Variants in CYYR1 observed in about 807,000 individuals in gnomAD.
CYYR1 encodes cysteine and tyrosine-rich protein 1.
In CYYR1, 14 loss-of-function variants were observed where a neutral mutation model predicts 15.2. The ratio of observed to expected loss-of-function variants is 0.92; its 90% CI spans 0.61 to 1.44. The LOEUF (loss-of-function observed/expected upper bound fraction) is 1.44, where lower values mean the gene tolerates loss of function less well. Ranked by LOEUF, CYYR1 falls within the 40% of genes most tolerant of loss-of-function variation. CYYR1 has a pLI of 0.00. For synonymous variants in CYYR1, 80 were observed against 77.4 expected, an observed-to-expected ratio of 1.03 and a Z score of -0.18; for missense variants, 228 against 209.5, an observed-to-expected ratio of 1.09 and a Z score of -0.54.
chr21:26,544,137 G>T (rs559821669), intron 2 of CYYR1, among the ~76,000 whole-genome samples: 1 of 152,046 alleles, frequency 6.6e-6, no homozygotes, highest in Non-Finnish European at 1.5e-5. Context: ...ATATTTTACC[G>T]TTCTGAAGAC....
chr21:26,550,478 C>A, intron 2 of CYYR1: 1 of 152,202 alleles, frequency 6.6e-6, no homozygotes. Flanking sequence ...AAGTTGAAAG[C>A]TGAGACAGCC....
chr21:26,530,638 G>A (rs2065919940), intron 2 of CYYR1, among the ~76,000 whole-genome samples: 1 of 151,908 alleles, frequency 6.6e-6, no homozygotes, highest in Non-Finnish European at 1.5e-5. Context: ...ACAGGCCCCG[G>A]TGTGTGATGT....
At position 26,468,635 on chromosome 21, in the gene CYYR1, C is replaced by A. The variant is rs376122814; in HGVS notation, c.335-1G>T. On this transcript the variant is annotated splice_acceptor_variant, in intron 3 of 3. Coordinates refer to ENST00000652641, the MANE Select transcript of CYYR1 (RefSeq NM_001320768.2). LOFTEE classifies it high-confidence loss of function. ...TCGTGACCGTAGGGTGGTGGTCCTG[C>A]TGAAAAAGAAGGGGAAGAGAACATC... The A allele has an allele frequency of 3.1e-6, 5 of 1,591,894 alleles. No individual in the cohort carries two copies. The highest frequency in any genetic ancestry group is 4.3e-6 in the Non-Finnish European group (5 of 1,168,690).
rs553530200 is a variant in CYYR1 at position 26,534,428 on chromosome 21, A to C, written c.176+31838T>G. ...CCTGATCTACTCTCTACCTTGCTCC[A>C]TCTTGCTCAGTCATCAGGGAGGCTG... On this transcript the variant is annotated intron_variant, in intron 2 of 3. Transcript: ENST00000652641. Among the ~76,000 whole-genome samples the C allele has an allele frequency of 1.3e-5, 2 of 152,180 alleles. 1 individual carries two copies. The highest frequency in any genetic ancestry group is 3.9e-4 in the East Asian group (2 of 5,164).
chr21:26,468,688 A>T, intron 3 of CYYR1, 54 bp from the exon 4 acceptor site: 1 of 1,394,676 alleles, frequency 7.2e-7, no homozygotes, highest in Non-Finnish European at 9.9e-7. Flanking sequence ...TTGCATTTCT[A>T]CTGTGTTGAA....
chr21:26,564,517 C>T (rs1569180127), intron 2 of CYYR1: 2 of 276,238 alleles, frequency 7.2e-6, no homozygotes, highest in Non-Finnish European at 1.1e-5. Context: ...TTCACTTAAC[C>T]AGCGGTGAGA....
chr21:26,480,548 G>T, intron 2 of CYYR1, 119 bp from the exon 3 acceptor site: 6 of 1,052,518 alleles, frequency 5.7e-6, no homozygotes, highest in African/African-American at 1.7e-5. Context: ...AGGATAATGT[G>T]TGTGTGTTTT....
intron 3 of CYYR1, chr21:26,471,085 G>A (rs1456400947): frequency 1.3e-5 from 2 of 152,170 alleles, no homozygotes; most frequent in Non-Finnish European, 2.9e-5. Flanking sequence ...AAGTCCTGTG[G>A]AGTCTAAATA....
At chr21:26,469,669 ATAT>A (rs1243586423) in intron 3 of CYYR1, among the ~76,000 whole-genome samples, 1 of 152,042 alleles carries the variant, frequency 6.6e-6, no homozygotes, top group Non-Finnish European at 1.5e-5. Flanking sequence ...TTGAAACTAT[ATAT>A]TATTGTTGAC....
chr21:26,557,743 T>C (rs1055887674), intron 2 of CYYR1, among the ~76,000 whole-genome samples: 8 of 152,302 alleles, frequency 5.3e-5, no homozygotes. Context: ...CAGACCTATA[T>C]GTGATGTTTC....
intron 2 of CYYR1, among the ~76,000 whole-genome samples, chr21:26,523,488 G>A (rs1025230448): frequency 2.0e-5 from 3 of 152,140 alleles, no homozygotes; most frequent in Admixed American, 6.5e-5. Context: ...ATGCTTAGGA[G>A]TCACATCCAA....
chr21:26,549,938 C>A (rs574756116), intron 2 of CYYR1, among the ~76,000 whole-genome samples: 7 of 151,954 alleles, frequency 4.6e-5, no homozygotes, highest in Admixed American at 4.6e-4. Flanking sequence ...ACAGGCATAC[C>A]TCATTTTATT....
Position 26,573,180 on chromosome 21 carries a change from A to G in CYYR1, c.-240T>C, listed in dbSNP as rs756446566. The G allele has an allele frequency of 3.3e-5, 49 of 1,473,608 alleles. No homozygotes were observed. Among genetic ancestry groups the G allele is most frequent in the Admixed American group, 2.1e-5 (1 of 48,270 alleles). 91.3% of individuals were successfully genotyped at this position (1,473,608 alleles called of 1,614,324 possible). On this transcript the variant is annotated 5_prime_UTR_variant, in exon 1 of 4. Coordinates refer to ENST00000652641, the MANE Select transcript of CYYR1 (RefSeq NM_001320768.2). ...CCGAGACGGGCTGCGCTGGGGGCCCAGGTCTCTTTGTCTCGCCCCACTGCG... is the reference window on the plus strand; with the variant it reads ...CCGAGACGGGCTGCGCTGGGGGCCCGGGTCTCTTTGTCTCGCCCCACTGCG...
At chr21:26,491,724 A>G (rs2065331227) in intron 2 of CYYR1, among the ~76,000 whole-genome samples, 1 of 152,214 alleles carries the variant, frequency 6.6e-6, no homozygotes, top group African/African-American at 2.4e-5. Flanking sequence ...AGTAGACTCC[A>G]GACAATGAGT....
intron 2 of CYYR1, among the ~76,000 whole-genome samples, chr21:26,507,849 A>G (rs1196947250): frequency 1.3e-5 from 2 of 152,222 alleles, no homozygotes; most frequent in African/African-American, 4.8e-5. Flanking sequence ...CCTCCCAATT[A>G]TGGTAATACT....
chr21:26,545,567 C>CTTTTTTTTTT lies in CYYR1; in HGVS notation c.176+20689_176+20698dup, dbSNP rs770885517. The stretch of plus-strand genomic sequence containing the variant: ...CCTTCTGGTTAATAAGATGCTTATT[C>CTTTTTTTTTT]TTTTTTTTTTTTTTTTTTTTTTTTT... On this transcript the variant is annotated intron_variant, in intron 2 of 3. Transcript: ENST00000652641. 4.6e-3 allele frequency among the ~76,000 whole-genome samples: 342 copies of CTTTTTTTTTT among 73,750 alleles called. 40 individuals carry two copies. Among genetic ancestry groups the CTTTTTTTTTT allele is most frequent in the East Asian group, 7.8e-3 (16 of 2,064 alleles). The allele number at this position is 73,750 out of a possible 152,430, so 48.4% of individuals were successfully genotyped here.
At chr21:26,489,585 A>G (rs967257009) in intron 2 of CYYR1, among the ~76,000 whole-genome samples, 1 of 151,776 alleles carries the variant, frequency 6.6e-6, no homozygotes, top group Non-Finnish European at 1.5e-5. Context: ...TGTATAATAT[A>G]TATAATATAA....
At chr21:26,498,600 G>T (rs984415152) in intron 2 of CYYR1, among the ~76,000 whole-genome samples, 1 of 152,146 alleles carries the variant, frequency 6.6e-6, no homozygotes, top group African/African-American at 2.4e-5. Context: ...ATGAAAACTG[G>T]AACATAACAA....
intron 3 of CYYR1, among the ~76,000 whole-genome samples, chr21:26,477,255 A>C (rs1406072035): frequency 6.6e-6 from 1 of 152,192 alleles, no homozygotes; most frequent in Non-Finnish European, 1.5e-5. Context: ...AAGATTTTGA[A>C]AAGTATTCAA....
Sources: allele counts gnomAD v4.1 joint callset (sites outside exome capture counted in the v4.1 genomes callset), GRCh38; gene constraint gnomAD v4.1.1; transcripts MANE v1.5; gene names NCBI Gene and HGNC (gene_info 2026-07-23, HGNC 2026-07-21).